HEATR1: variants seen among roughly 807,000 people sequenced by gnomAD.
HEATR1 encodes the protein HEAT repeat-containing protein 1.
In HEATR1, 77 loss-of-function variants were observed where a neutral mutation model predicts 248.2. The observed-to-expected ratio is 0.31, with a 90% confidence interval of 0.26 to 0.37. The LOEUF (loss-of-function observed/expected upper bound fraction) is 0.37. Among genes scored for constraint, HEATR1 ranks in the 10% least tolerant of loss-of-function variants. The probability of loss-of-function intolerance (pLI) is 1.00; values close to 1 mark genes in which losing one functional copy is unlikely to be tolerated. For missense variants in HEATR1, 2,420 were observed against 2,504.9 expected, an observed-to-expected ratio of 0.97 and a Z score of 0.72; for synonymous variants, 897 against 923.1, an observed-to-expected ratio of 0.97 and a Z score of 0.51.
intron 8 of HEATR1, among the ~76,000 whole-genome samples, chr1:236,595,070 ACTTTTTG>A (rs60870178): frequency 0.6 from 90,085 of 151,040 alleles, 28,525 homozygotes; most frequent in East Asian, 0.72. Flanking sequence ...TCTAATTATT[ACTTTTTG>A]CTTTTTGCTT....
chr1:236,560,421 C>G (rs145957726), intron 33 of HEATR1, among the ~76,000 whole-genome samples: 1 of 152,186 alleles, frequency 6.6e-6, no homozygotes, highest in Non-Finnish European at 1.5e-5. Flanking sequence ...GAGATCCCCC[C>G]ACTGCTGCCA....
At chr1:236,573,933 C>T (rs886491328) in intron 24 of HEATR1, 17 of 237,562 alleles carry the variant, frequency 7.2e-5, no homozygotes, top group Non-Finnish European at 1.0e-4. Context: ...AGGTAGATTC[C>T]GTCTAATATG....
chr1:236,585,989 AAAG>A, intron 15 of HEATR1, 48 bp from the exon 16 acceptor site: 1 of 1,601,150 alleles, frequency 6.2e-7, no homozygotes, highest in Non-Finnish European at 8.5e-7. Flanking sequence ...ACCAACACTC[AAAG>A]AATCACATGA....
rs1233024864 is a variant in HEATR1, at chr1:236,551,458, T to C, written c.6347-468A>G. The C allele has an allele frequency of 7.4e-5, 12 of 161,564 alleles. No homozygotes were observed. The South Asian group carries it at 1.1e-3, about 15-fold the overall frequency. 10.0% of individuals were successfully genotyped at this position (161,564 alleles called of 1,614,324 possible). On this transcript the variant is annotated intron_variant, in intron 44 of 44. Coordinates refer to ENST00000366582, the MANE Select transcript of HEATR1 (RefSeq NM_018072.6). ...TCCCCATGTCACACTCACTAGCTTG[T>C]GATCTTTGTCAAATAACTGAAATCT...
chr1:236,579,522 T>C (rs1006492882), intron 20 of HEATR1, among the ~76,000 whole-genome samples: 1 of 152,176 alleles, frequency 6.6e-6, no homozygotes, highest in African/African-American at 2.4e-5. Context: ...TTTTAATAAA[T>C]TGCTATCTCC....
intron 31 of HEATR1, 98 bp downstream of exon 31, chr1:236,565,819 TAA>T: frequency 8.7e-7 from 1 of 1,150,474 alleles, no homozygotes; most frequent in Non-Finnish European, 1.2e-6. Flanking sequence ...TAACTTACTT[TAA>T]AAATCCTTCT....
At chr1:236,564,766 A>G in intron 31 of HEATR1, 105 bp from the exon 32 acceptor site, 2 of 1,068,794 alleles carry the variant, frequency 1.9e-6, no homozygotes. Flanking sequence ...ACGGGATAAC[A>G]TTTTCCCAGA....
rs549626147 is a variant in HEATR1 at position 236,558,969 on chromosome 1, T to C, written c.4911+26A>G. 3.9e-6 allele frequency: 6 copies of C among 1,556,224 alleles called. No homozygotes were observed. The African/African-American group carries it at 5.5e-5, about 14-fold the overall frequency. On this transcript the variant is annotated intron_variant, in intron 35 of 44. Coordinates refer to ENST00000366582, the MANE Select transcript of HEATR1 (RefSeq NM_018072.6). ...CTTTGATAAAGCAAAGTACAGTAAATGGGTGTGTCCTGGGTCTTCACTCAC... is the reference window on the plus strand; with the variant it reads ...CTTTGATAAAGCAAAGTACAGTAAACGGGTGTGTCCTGGGTCTTCACTCAC...
Position 236,574,818 on chromosome 1 carries a change from G to A in HEATR1, c.3170C>T (p.Ala1057Val). ...KEPTAVLKDE[A>V]MVLHLTLGKY... ...TCCCAGAGTGAGATGCAGAACCATG[G>A]CCTCATCTTTCAGCACAGCTGTGGG... Residue 1057 changes from alanine (A) to valine (V), a missense_variant, in exon 23 of 45, where the codon GCC becomes GTC. Physicochemically the swap from Ala to Val is moderately conservative, Grantham distance 64. Transcript: ENST00000366582. The A allele has an allele frequency of 6.2e-7, 1 of 1,613,946 alleles. No individual in the cohort carries two copies. The highest frequency in any genetic ancestry group is 8.5e-7 in the Non-Finnish European group (1 of 1,179,838).
chr1:236,590,026 T>A (rs1446207680), intron 12 of HEATR1, among the ~76,000 whole-genome samples: 1 of 152,278 alleles, frequency 6.6e-6, no homozygotes, highest in East Asian at 1.9e-4. Context: ...CATTACCAAG[T>A]CTTCATACCA....
rs769711703 is a variant in HEATR1, at chr1:236,564,593, C to T, written c.4504G>A (p.Val1502Ile). The change falls in exon 32 of 45, where the codon GTA becomes ATA. Residue 1502 changes from valine to isoleucine, a missense_variant. Transcript: ENST00000366582. ...SQEEMLQVFN[V>I]ETHTSKQLRH... ...AGTTGCTTGCTAGTGTGAGTCTCTACATTAAAAACCTGTAGCATTTCTTCT... is the reference window on the plus strand; with the variant it reads ...AGTTGCTTGCTAGTGTGAGTCTCTATATTAAAAACCTGTAGCATTTCTTCT... 6.2e-7 allele frequency: 1 copy of T among 1,613,910 alleles called. No individual in the cohort carries two copies. Among genetic ancestry groups the T allele is most frequent in the South Asian group, 1.1e-5 (1 of 91,076 alleles).
chr1:236,575,888 T>A (rs905855724), intron 22 of HEATR1, among the ~76,000 whole-genome samples: 1 of 152,214 alleles, frequency 6.6e-6, no homozygotes, highest in Non-Finnish European at 1.5e-5. Flanking sequence ...TATAGAATTT[T>A]CACTTGAAAA....
At chr1:236,580,840 A>ATTTTTTTTTTTTT in intron 20 of HEATR1, among the ~76,000 whole-genome samples, 1 of 21,612 alleles carries the variant, frequency 4.6e-5, no homozygotes, top group Non-Finnish European at 1.2e-4. Context: ...TTTTTTTTTG[A>ATTTTTTTTTTTTT]GATGGAGTCT....
chr1:236,566,039 T>C lies in HEATR1; in HGVS notation c.4315A>G (p.Ile1439Val). Reference protein sequence around the residue: ...LAAAYGEKDAILEADTEFWFS... With the variant: ...LAAAYGEKDAVLEADTEFWFS... ...CAAAATTCAGTGTCTGCTTCTAAAA[T>C]AGCATCCTGTGTAGAAAAAGAAAAA... is the stretch of plus-strand genomic sequence containing the variant. The change falls in exon 31 of 45, where the codon ATT becomes GTT. Residue 1439 changes from isoleucine to valine, a missense_variant. Coordinates refer to ENST00000366582, the MANE Select transcript of HEATR1 (RefSeq NM_018072.6). 6.2e-7 allele frequency: 1 copy of C among 1,613,252 alleles called. No homozygotes were observed. The highest frequency in any genetic ancestry group is 8.5e-7 in the Non-Finnish European group (1 of 1,179,722).
rs753431413 is a variant in HEATR1, at chr1:236,595,687, A to C, written c.957-14T>G. The C allele has an allele frequency of 1.9e-6, 3 of 1,608,062 alleles. No homozygotes were observed. The African/African-American group carries it at 4.0e-5, about 22-fold the overall frequency. ...TGAGGGAATGGCCTTTGAAGAAGCA[A>C]AAGTACATATCGTGTTGACTTTACA... On this transcript the variant is annotated splice_polypyrimidine_tract_variant and intron_variant, in intron 7 of 44. Transcript: ENST00000366582.
At chr1:236,561,931 C>A (rs1378738638) in intron 32 of HEATR1, among the ~76,000 whole-genome samples, 1 of 152,132 alleles carries the variant, frequency 6.6e-6, no homozygotes, top group East Asian at 1.9e-4. Flanking sequence ...TCCCTTTGAT[C>A]ATCTTGGGAA....
In HEATR1 at chr1:236,551,993, A is replaced by C. The variant is rs747399682; in HGVS notation, c.6346+6T>G. The C allele has an allele frequency of 4.3e-5, 67 of 1,549,144 alleles. No individual in the cohort carries two copies. The highest frequency in any genetic ancestry group is 5.9e-5 in the Non-Finnish European group (66 of 1,122,576). On this transcript the variant is annotated splice_donor_region_variant and intron_variant, in intron 44 of 44. Coordinates refer to ENST00000366582, the MANE Select transcript of HEATR1 (RefSeq NM_018072.6). ...GTTTAATGGTTGGGAATAGTTTGGG[A>C]ATTACCTTCCATCAACTCTGCTAAG...
At chr1:236,593,248 A>C (rs1664088678) in intron 9 of HEATR1, among the ~76,000 whole-genome samples, 1 of 151,992 alleles carries the variant, frequency 6.6e-6, no homozygotes, top group Admixed American at 6.6e-5. Flanking sequence ...CAATTTGCTC[A>C]TGAGAACAGC....
At chr1:236,597,699 T>A (rs1664213652) in intron 5 of HEATR1, among the ~76,000 whole-genome samples, 179 bp downstream of exon 5, 1 of 146,246 alleles carries the variant, frequency 6.8e-6, no homozygotes. Flanking sequence ...GACTGATTCT[T>A]AAAAAAAAAA....
Sources: gnomAD v4.1 joint callset for allele counts (sites outside exome capture counted in the v4.1 genomes callset) on GRCh38, gnomAD v4.1.1 for gene constraint, MANE v1.5 for transcripts, NCBI Gene and HGNC (gene_info 2026-07-23, HGNC 2026-07-21) for gene names.